Variants in TSHZ1 observed in about 807,000 individuals in gnomAD.
TSHZ1 encodes teashirt homolog 1.
In TSHZ1, 12 loss-of-function variants were observed where a neutral mutation model predicts 67.1. That is an observed-to-expected ratio of 0.18 (90% CI 0.11 to 0.29). The LOEUF (loss-of-function observed/expected upper bound fraction) is 0.29. TSHZ1 is among the 10% of genes least tolerant of loss of function. TSHZ1 has a pLI of 1.00. For missense variants in TSHZ1, 1,305 were observed against 1,413.9 expected, an observed-to-expected ratio of 0.92 and a Z score of 1.23; for synonymous variants, 632 against 622.4, an observed-to-expected ratio of 1.02 and a Z score of -0.23.
intron 1 of TSHZ1, among the ~76,000 whole-genome samples, chr18:75,259,365 T>C (rs1344738757): frequency 6.6e-6 from 1 of 152,168 alleles, no homozygotes; most frequent in African/African-American, 2.4e-5. Context: ...CCAAAAATAT[T>C]AAACAGAAAA....
intron 1 of TSHZ1, among the ~76,000 whole-genome samples, chr18:75,256,150 A>G (rs1599043082): frequency 1.3e-5 from 2 of 152,368 alleles, no homozygotes; most frequent in East Asian, 1.9e-4. Flanking sequence ...TAACTATGCA[A>G]TCATAAGGAG....
chr18:75,219,236 T>C (rs2022813549), intron 1 of TSHZ1, among the ~76,000 whole-genome samples: 1 of 152,232 alleles, frequency 6.6e-6, no homozygotes, highest in Admixed American at 6.5e-5. Flanking sequence ...TTGATAGATT[T>C]AATAAAAGGT....
At chr18:75,265,578 G>C (rs578030722) in intron 1 of TSHZ1, among the ~76,000 whole-genome samples, 8 of 152,320 alleles carry the variant, frequency 5.3e-5, no homozygotes, top group African/African-American at 1.7e-4. Flanking sequence ...GTGTCACTGT[G>C]CATAGCAACA....
intron 1 of TSHZ1, among the ~76,000 whole-genome samples, chr18:75,259,933 C>T (rs1476517084): frequency 1.3e-5 from 2 of 152,152 alleles, no homozygotes; most frequent in Non-Finnish European, 2.9e-5. Context: ...GGAAGGGAAC[C>T]CCTCTGGATA....
rs561728993 is a variant in TSHZ1, at chr18:75,281,118, C to T, written c.41-4330C>T. Among the ~76,000 whole-genome samples, 14 of 152,248 alleles carry T rather than the reference C, an allele frequency of 9.2e-5. No homozygotes were observed. In the South Asian group the frequency reaches 2.9e-3, roughly 32 times the overall value. On this transcript the variant is annotated intron_variant, in intron 1 of 1. Transcript: ENST00000580243. This position sits in a 1 kb window ranked among gnomAD's most constrained non-coding sequence, Gnocchi z 5.3. ...AGCAAAGGCTTGCACTCAGGGTTGT[C>T]GGGAGCACAGCGTCTGCTGGAAGGG...
intron 1 of TSHZ1, among the ~76,000 whole-genome samples, chr18:75,242,417 A>G (rs2023168202): frequency 6.6e-6 from 1 of 152,226 alleles, no homozygotes; most frequent in Non-Finnish European, 1.5e-5. Context: ...GGAGGGTGGC[A>G]CAAAAGAAAG....
intron 1 of TSHZ1, among the ~76,000 whole-genome samples, chr18:75,260,741 C>T (rs1054224505): frequency 6.6e-6 from 1 of 152,142 alleles, no homozygotes; most frequent in African/African-American, 2.4e-5. Context: ...TTTGTGACTC[C>T]TTCAGTCAAC....
rs1044853144 is a variant in TSHZ1, at chr18:75,289,822, A to G, written c.*1181A>G. 6.6e-5 allele frequency: 11 copies of G among 167,140 alleles called. No individual in the cohort carries two copies. The highest frequency in any genetic ancestry group is 2.0e-4 in the Admixed American group (3 of 15,294). 10.4% of individuals were successfully genotyped at this position (167,140 alleles called of 1,614,324 possible). On this transcript the variant is annotated 3_prime_UTR_variant, in exon 2 of 2. Coordinates refer to ENST00000580243, the MANE Select transcript of TSHZ1 (RefSeq NM_001308210.2). Reference sequence around the variant, plus strand: ...TAAATACATAAAAACAAAGCAAGCAATGCACTATTAATTATACATTTTGAT... The same window carrying G: ...TAAATACATAAAAACAAAGCAAGCAGTGCACTATTAATTATACATTTTGAT...
chr18:75,222,090 T>TA (rs2122519807), intron 1 of TSHZ1, among the ~76,000 whole-genome samples: 1 of 152,248 alleles, frequency 6.6e-6, no homozygotes, highest in East Asian at 1.9e-4. Context: ...TTAATGAAAA[T>TA]AGCGCACTGG....
chr18:75,258,703 C>T (rs999048630), intron 1 of TSHZ1, among the ~76,000 whole-genome samples: 1 of 152,110 alleles, frequency 6.6e-6, no homozygotes, highest in Non-Finnish European at 1.5e-5. Context: ...TGCTACAGAA[C>T]TGATTTCATG....
intron 1 of TSHZ1, among the ~76,000 whole-genome samples, chr18:75,220,308 G>A (rs751054242): frequency 9.9e-5 from 15 of 152,138 alleles, no homozygotes; most frequent in Non-Finnish European, 1.8e-4. Flanking sequence ...ATCCTGAACC[G>A]ACTCTTTTTT....
At position 75,232,855 on chromosome 18, in the gene TSHZ1, A is replaced by G. The variant is rs935432912; in HGVS notation, c.40+20939A>G. Among the ~76,000 whole-genome samples, 4 of 152,254 alleles carry G rather than the reference A, an allele frequency of 2.6e-5. No individual in the cohort carries two copies. In the East Asian group the frequency reaches 5.8e-4, roughly 22 times the overall value. ...AGATTTTCTACAGATAAATGGATTA[A>G]TAGTCACAATACTTGGGTGAGGAAA... is the stretch of plus-strand genomic sequence containing the variant. On this transcript the variant is annotated intron_variant, in intron 1 of 1. Coordinates refer to ENST00000580243, the MANE Select transcript of TSHZ1 (RefSeq NM_001308210.2).
intron 1 of TSHZ1, among the ~76,000 whole-genome samples, chr18:75,261,145 A>G (rs534841821): frequency 4.3e-4 from 65 of 152,116 alleles, no homozygotes; most frequent in African/African-American, 1.5e-3. Flanking sequence ...AGTGTTGACA[A>G]ACAACTCTAA....
intron 1 of TSHZ1, among the ~76,000 whole-genome samples, chr18:75,216,080 T>A (rs1397091893): frequency 1.3e-5 from 2 of 152,226 alleles, no homozygotes; most frequent in African/African-American, 2.4e-5. Context: ...GTATGCTTTC[T>A]GAATATTTAA....
chr18:75,267,539 AATTAGGAGGAGAC>A (rs2023504427), intron 1 of TSHZ1, among the ~76,000 whole-genome samples: 1 of 152,176 alleles, frequency 6.6e-6, no homozygotes, highest in Non-Finnish European at 1.5e-5. Context: ...GAGTGTCTCG[AATTAGGAGGAGAC>A]ATTAGGAGGA....
intron 1 of TSHZ1, chr18:75,244,584 C>T (rs759854026): frequency 7.2e-5 from 11 of 152,246 alleles, no homozygotes; most frequent in African/African-American, 2.4e-4. Context: ...TAGACCAGGC[C>T]GGCTTTCTCC....
At chr18:75,269,986 T>C (rs1484757525) in intron 1 of TSHZ1, among the ~76,000 whole-genome samples, 1 of 152,206 alleles carries the variant, frequency 6.6e-6, no homozygotes, top group Non-Finnish European at 1.5e-5. Context: ...ACCAGAACTT[T>C]TAGGGAGAAC....
intron 1 of TSHZ1, among the ~76,000 whole-genome samples, chr18:75,241,990 C>T (rs1391448472): frequency 6.7e-6 from 1 of 149,798 alleles, no homozygotes; most frequent in South Asian, 2.2e-4. Flanking sequence ...TGCAAACACC[C>T]TATTTCCAAA....
intron 1 of TSHZ1, among the ~76,000 whole-genome samples, chr18:75,277,284 A>G (rs1385155222): frequency 1.3e-5 from 2 of 152,058 alleles, no homozygotes; most frequent in Non-Finnish European, 2.9e-5. Context: ...CATTGTTCCC[A>G]TTTATTTGAG....
Sources: gnomAD v4.1 joint callset for allele counts (sites outside exome capture counted in the v4.1 genomes callset) on GRCh38, gnomAD v4.1.1 for gene constraint, Gnocchi (gnomAD v3.1) non-coding constraint, MANE v1.5 for transcripts, NCBI Gene and HGNC (gene_info 2026-07-23, HGNC 2026-07-21) for gene names.